BEND7: variants seen among roughly 807,000 people sequenced by gnomAD.
BEND7 encodes the protein BEN domain-containing protein 7.
BEND7 carries 28 observed loss-of-function variants against 50.9 expected under a neutral mutation model. That is an observed-to-expected ratio of 0.55 (90% CI 0.41 to 0.75). The LOEUF (loss-of-function observed/expected upper bound fraction) is 0.75. BEND7 is among the 30% of genes least tolerant of loss of function. The pLI is 0.00. For missense variants in BEND7, 477 were observed against 491.3 expected (o/e 0.97, Z 0.28); for synonymous variants, 170 against 183.9 (o/e 0.92, Z 0.61).
intron 2 of BEND7, among the ~76,000 whole-genome samples, chr10:13,503,207 G>C (rs1293540276): frequency 6.6e-6 from 1 of 152,204 alleles, no homozygotes; most frequent in East Asian, 1.9e-4. Flanking sequence ...GGTGTGAGGG[G>C]TTCTGGCGGT....
chr10:13,481,295 T>G (rs779077971), intron 5 of BEND7, among the ~76,000 whole-genome samples, 171 bp from the exon 6 acceptor site: 40 of 152,316 alleles, frequency 2.6e-4, no homozygotes, highest in South Asian at 1.9e-3. Flanking sequence ...AACCAAGGAC[T>G]AGTTATAACT....
At position 13,494,744 on chromosome 10, in the gene BEND7, TCTC is replaced by T. The variant is rs146112333; in HGVS notation, c.572-1871_572-1869del. 1.9e-3 allele frequency among the ~76,000 whole-genome samples: 283 copies of T among 152,292 alleles called. 3 individuals are homozygous for T. Among genetic ancestry groups the T allele is most frequent in the African/African-American group, 6.5e-3 (271 of 41,568 alleles). On this transcript the variant is annotated intron_variant, in intron 4 of 8. Transcript: ENST00000466271. ...ACACGGGGACTATCTGAGTTTTTCT[TCTC>T]CTTTTGCAAATCTAGACACAGCCCA...
At chr10:13,496,702 C>T in intron 4 of BEND7, 64 bp downstream of exon 4, 1 of 1,548,224 alleles carries the variant, frequency 6.5e-7, no homozygotes, top group Non-Finnish European at 8.8e-7. Context: ...ATGAACATTC[C>T]AACGGAAGAT....
At position 13,504,365 on chromosome 10, in the gene BEND7, G is replaced by A. The variant is rs151279601; in HGVS notation, c.146-4285C>T. Reference sequence around the variant, plus strand: ...AAAGCAAGAGTCTGAACCCTAACCCGGGGAGGGGCACATGGTAGTCCAGGA... The same window carrying A: ...AAAGCAAGAGTCTGAACCCTAACCCAGGGAGGGGCACATGGTAGTCCAGGA... On this transcript the variant is annotated intron_variant, in intron 2 of 8. Coordinates refer to ENST00000466271, the MANE Select transcript of BEND7 (RefSeq NM_001369863.1). Among the ~76,000 whole-genome samples the A allele has an allele frequency of 1.4e-4, 22 of 152,296 alleles. 1 individual carries two copies. The East Asian group carries it at 3.1e-3, about 21-fold the overall frequency.
At chr10:13,464,447 G>T (rs2074024551) in intron 6 of BEND7, among the ~76,000 whole-genome samples, 1 of 152,138 alleles carries the variant, frequency 6.6e-6, no homozygotes, top group African/African-American at 2.4e-5. Context: ...CTGTAAGCAG[G>T]ACACAAAACA....
chr10:13,481,357 A>G (rs549749308), intron 5 of BEND7, among the ~76,000 whole-genome samples: 14 of 152,356 alleles, frequency 9.2e-5, no homozygotes. Context: ...AAAGCAATGG[A>G]AAGAAAATAG....
intron 2 of BEND7, among the ~76,000 whole-genome samples, chr10:13,525,743 T>C (rs1197918787): frequency 6.6e-6 from 1 of 152,286 alleles, no homozygotes; most frequent in East Asian, 1.9e-4. Context: ...ACCAAACAAA[T>C]AGCAGCTTCC....
Position 13,441,381 on chromosome 10 carries a change from T to A in BEND7, c.*362A>T. ...CACAGTAAGTAAACACAATTTTAAT[T>A]TACAAAATATGATTTTGCTGTTGCA... On this transcript the variant is annotated 3_prime_UTR_variant, in exon 9 of 9. Coordinates refer to ENST00000466271, the MANE Select transcript of BEND7 (RefSeq NM_001369863.1). 9.3e-7 allele frequency: 1 copy of A among 1,080,978 alleles called. No individual in the cohort carries two copies. Among genetic ancestry groups the A allele is most frequent in the Non-Finnish European group, 1.1e-6 (1 of 892,898 alleles). 67.0% of individuals were successfully genotyped at this position (1,080,978 alleles called of 1,614,324 possible). A position where few individuals can be genotyped will look rare whatever the true frequency, so the allele number is the denominator to read the frequency against.
Position 13,506,540 on chromosome 10 carries a change from T to G in BEND7, c.146-6460A>C, listed in dbSNP as rs1315540056. Among the ~76,000 whole-genome samples the G allele has an allele frequency of 2.6e-5, 4 of 152,268 alleles. No individual in the cohort carries two copies. The East Asian group carries it at 7.7e-4, about 29-fold the overall frequency. ...ACATGCAGGGTGAAGGCAGAAGAATTGTACACTGGAGCCAATGGGTTATCA... is the reference window on the plus strand; with the variant it reads ...ACATGCAGGGTGAAGGCAGAAGAATGGTACACTGGAGCCAATGGGTTATCA... On this transcript the variant is annotated intron_variant, in intron 2 of 8. Coordinates refer to ENST00000466271, the MANE Select transcript of BEND7 (RefSeq NM_001369863.1).
chr10:13,484,241 A>G (rs1008202062), intron 5 of BEND7, among the ~76,000 whole-genome samples: 2 of 152,230 alleles, frequency 1.3e-5, no homozygotes, highest in South Asian at 2.1e-4. Context: ...ACAAGCGCCA[A>G]TGCTATCTAC....
intron 2 of BEND7, among the ~76,000 whole-genome samples, chr10:13,510,513 C>T (rs962560166): frequency 6.6e-6 from 1 of 152,120 alleles, no homozygotes; most frequent in Non-Finnish European, 1.5e-5. Context: ...CATTTATCAA[C>T]AGAACATTAG....
At chr10:13,529,220 G>T (rs2079583760), upstream of BEND7, among the ~76,000 whole-genome samples, 1 of 147,178 alleles carries the variant, frequency 6.8e-6, no homozygotes, top group Non-Finnish European at 1.5e-5. Flanking sequence ...CGGCCGGCCT[G>T]CCTGCCCCCG....
chr10:13,502,604 G>A (rs960264654), intron 2 of BEND7, among the ~76,000 whole-genome samples: 1 of 152,184 alleles, frequency 6.6e-6, no homozygotes, highest in Non-Finnish European at 1.5e-5. Flanking sequence ...TGAAAGATAA[G>A]CCCACAGGCA....
chr10:13,494,184 C>G lies in BEND7; in HGVS notation c.572-1308G>C, dbSNP rs548266149. On this transcript the variant is annotated intron_variant, in intron 4 of 8. Transcript: ENST00000466271. ...CTGTAATCCCAGCACTTTGGGAGGC[C>G]GAGGTGGGCGGATCACGAGGTCAAG... is the stretch of plus-strand genomic sequence containing the variant. Among the ~76,000 whole-genome samples, 4 of 152,152 alleles carry G rather than the reference C, an allele frequency of 2.6e-5. No individual in the cohort carries two copies. In the South Asian group the frequency reaches 8.3e-4, roughly 32 times the overall value.
At chr10:13,507,383 C>T (rs1220803052) in intron 2 of BEND7, among the ~76,000 whole-genome samples, 1 of 152,162 alleles carries the variant, frequency 6.6e-6, no homozygotes, top group Non-Finnish European at 1.5e-5. Flanking sequence ...AGAATGGACA[C>T]AGGGCGTCTG....
chr10:13,465,137 G>A (rs1449068560), intron 6 of BEND7, among the ~76,000 whole-genome samples: 1 of 152,220 alleles, frequency 6.6e-6, no homozygotes, highest in East Asian at 1.9e-4. Flanking sequence ...GTTCATGAAA[G>A]AGTAAATCTG....
intron 3 of BEND7, among the ~76,000 whole-genome samples, chr10:13,499,061 C>T (rs941375344): frequency 1.3e-5 from 2 of 152,114 alleles, no homozygotes; most frequent in African/African-American, 4.8e-5. Context: ...TATAGATCTG[C>T]ACATCTCTAC....
intron 2 of BEND7, among the ~76,000 whole-genome samples, chr10:13,513,228 AT>A (rs2132501228): frequency 6.6e-6 from 1 of 152,252 alleles, no homozygotes; most frequent in South Asian, 2.1e-4. Flanking sequence ...TGTGCAAAAC[AT>A]TGCCTTCAGT....
chr10:13,486,827 T>C (rs1269577651), intron 5 of BEND7, among the ~76,000 whole-genome samples: 2 of 152,226 alleles, frequency 1.3e-5, no homozygotes, highest in East Asian at 3.8e-4. Flanking sequence ...AGGTAATAAA[T>C]TAATGACCCT....
Sources: allele counts gnomAD v4.1 joint callset (sites outside exome capture counted in the v4.1 genomes callset), GRCh38; gene constraint gnomAD v4.1.1; transcripts MANE v1.5; gene names NCBI Gene and HGNC (gene_info 2026-07-23, HGNC 2026-07-21).